EIF3A: variants seen among roughly 807,000 people sequenced by gnomAD.
EIF3A encodes EIF3, p180 subunit.
In EIF3A, 21 loss-of-function variants were observed where a neutral mutation model predicts 186.6. The observed-to-expected ratio is 0.11, with a 90% CI of 0.08 to 0.16. The LOEUF (loss-of-function observed/expected upper bound fraction) is 0.16. Ranked by LOEUF, EIF3A falls within the 10% of genes least tolerant of loss-of-function variation. The pLI is 1.00. For synonymous variants in EIF3A, 563 were observed against 584.3 expected, an observed-to-expected ratio of 0.96 and a Z score of 0.52; for missense variants, 1,306 against 1,796.3, an observed-to-expected ratio of 0.73 and a Z score of 4.93.
intron 17 of EIF3A, among the ~76,000 whole-genome samples, chr10:119,044,961 T>C (rs1409383611): frequency 1.0e-5 from 1 of 96,892 alleles, no homozygotes; most frequent in Non-Finnish European, 2.1e-5. Flanking sequence ...TTTTTTTTTT[T>C]TGAGGTGGAA....
At chr10:119,060,670 T>G in intron 9 of EIF3A, 76 bp downstream of exon 9, 1 of 1,102,084 alleles carries the variant, frequency 9.1e-7, no homozygotes, top group Non-Finnish European at 1.3e-6. Context: ...TCCTAGGCAG[T>G]TCTAGATTTT....
chr10:119,057,918 GA>G lies in EIF3A; in HGVS notation c.1977+37del, dbSNP rs1342925482. On this transcript the variant is annotated intron_variant, in intron 12 of 21. Transcript: ENST00000369144. ...TGGTTCTAAGAGTACAAAATACCTG[GA>G]TAAAACTAATTTTTTAATAACTAAG... The G allele has an allele frequency of 5.8e-6, 9 of 1,544,298 alleles. No homozygotes were observed. The Admixed American group carries it at 7.3e-5, about 13-fold the overall frequency.
At chr10:119,072,043 A>AG (rs1390552496) in intron 4 of EIF3A, among the ~76,000 whole-genome samples, 172 of 131,608 alleles carry the variant, frequency 1.3e-3, no homozygotes, top group East Asian at 7.2e-3. Flanking sequence ...AAAAAAAAAA[A>AG]AAAGAAAGAA....
chr10:119,061,164 C>A, intron 8 of EIF3A, 60 bp downstream of exon 8: 1 of 931,662 alleles, frequency 1.1e-6, no homozygotes, highest in East Asian at 2.5e-5. Context: ...TGAATACAAC[C>A]CAAAACTGCA....
chr10:119,041,005 C>CAAA (rs34452005), intron 19 of EIF3A, among the ~76,000 whole-genome samples: 93 of 78,688 alleles, frequency 1.2e-3, no homozygotes, highest in African/African-American at 1.8e-3. Flanking sequence ...ACTCCGTCTC[C>CAAA]AAAAAAAAAA....
chr10:119,050,454 C>A, intron 16 of EIF3A, 67 bp downstream of exon 16: 1 of 1,467,886 alleles, frequency 6.8e-7, no homozygotes, highest in South Asian at 1.2e-5. Context: ...TACATAAGAT[C>A]ACTAAAAACT....
At chr10:119,046,230 C>T (rs556191968) in intron 17 of EIF3A, among the ~76,000 whole-genome samples, 9 of 152,210 alleles carry the variant, frequency 5.9e-5, no homozygotes, top group Admixed American at 1.3e-4. Flanking sequence ...CAGAGTAAGA[C>T]CAAAATCCTC....
chr10:119,035,303 C>G lies in EIF3A; in HGVS notation c.*736G>C, dbSNP rs1436527703. On this transcript the variant is annotated 3_prime_UTR_variant, in exon 22 of 22. Transcript: ENST00000369144. ...TTAAAATGCTTGAAAGGCATGAATTCTCCATTAATGGAAAAGCAGTTTGCT... is the reference window on the plus strand; with the variant it reads ...TTAAAATGCTTGAAAGGCATGAATTGTCCATTAATGGAAAAGCAGTTTGCT... 6.6e-6 allele frequency: 1 copy of G among 152,636 alleles called. No individual in the cohort carries two copies. The highest frequency in any genetic ancestry group is 1.5e-5 in the Non-Finnish European group (1 of 68,042). The allele number at this position is 152,636 out of a possible 1,614,324, so 9.5% of individuals were successfully genotyped here. A position where few individuals can be genotyped will look rare whatever the true frequency, so the allele number is the denominator to read the frequency against.
chr10:119,070,239 G>A (rs1844050152), intron 5 of EIF3A, among the ~76,000 whole-genome samples: 1 of 152,120 alleles, frequency 6.6e-6, no homozygotes, highest in Non-Finnish European at 1.5e-5. Flanking sequence ...AAAATTATAT[G>A]GAACGTCTTT....
Position 119,049,850 on chromosome 10 carries a change from C to T in EIF3A, c.2609G>A (p.Arg870Gln), listed in dbSNP as rs749303672. The change falls in exon 17 of 22, where the codon CGG (arginine) becomes CAG (glutamine). Residue 870 changes from arginine to glutamine, a missense_variant. Physicochemically the swap from Arg to Gln is conservative, Grantham distance 43. This residue lies in a region of EIF3A where 410 missense variants were observed against 473.5 expected (regional missense o/e 0.87). Transcript: ENST00000369144. Reference sequence around the variant, plus strand: ...AAGTCTTCTCTCTTCCTCTCTACGCCGTTCTCGTTCTTCAATTTCCAACTC... The same window carrying T: ...AAGTCTTCTCTCTTCCTCTCTACGCTGTTCTCGTTCTTCAATTTCCAACTC... ...QRELEIEERE[R>Q]RREEERRLGD... The T allele has an allele frequency of 1.8e-5, 29 of 1,614,038 alleles. No individual in the cohort carries two copies. The highest frequency in any genetic ancestry group is 9.3e-5 in the African/African-American group (7 of 74,908).
At chr10:119,062,010 T>C (rs1478857851) in intron 7 of EIF3A, among the ~76,000 whole-genome samples, 1 of 152,104 alleles carries the variant, frequency 6.6e-6, no homozygotes, top group East Asian at 1.9e-4. Context: ...GCAGATCGCA[T>C]CCCCAAGCAA....
At chr10:119,048,330 G>A (rs1225687681) in intron 17 of EIF3A, among the ~76,000 whole-genome samples, 1 of 152,108 alleles carries the variant, frequency 6.6e-6, no homozygotes, top group Non-Finnish European at 1.5e-5. Context: ...TCTGAATTAA[G>A]GCAGTAATGT....
chr10:119,080,031 G>T (rs958005017), intron 1 of EIF3A, among the ~76,000 whole-genome samples: 1 of 152,222 alleles, frequency 6.6e-6, no homozygotes, highest in Non-Finnish European at 1.5e-5. Context: ...GGTTAAATGG[G>T]TCAGAGGCCC....
chr10:119,072,833 A>G, intron 4 of EIF3A, 57 bp downstream of exon 4: 1 of 1,550,574 alleles, frequency 6.4e-7, no homozygotes, highest in Non-Finnish European at 8.7e-7. Flanking sequence ...TTTTCAGAAA[A>G]TTTACTCCTC....
At chr10:119,056,091 T>C (rs577665840) in intron 14 of EIF3A, among the ~76,000 whole-genome samples, 18 of 152,208 alleles carry the variant, frequency 1.2e-4, no homozygotes, top group Non-Finnish European at 2.1e-4. Flanking sequence ...ACACCGATGT[T>C]TGCCTCCTGC....
rs1023161184 is a variant in EIF3A, at chr10:119,065,519, C to T, written c.1002G>A (p.Glu334=). 3 of 1,613,326 alleles carry T rather than the reference C, an allele frequency of 1.9e-6. No homozygotes were observed. In the Admixed American group the frequency reaches 5.0e-5, roughly 27 times the overall value. The part of the protein sequence containing the change: ...LATLSIPITP[E]RTDIARLLDM... ...CCAGAAGTCGAGCAATATCCGTACG[C>T]TCAGGAGTAATAGGGATGGAAAGAG... Residue 334 remains glutamate, a synonymous_variant, in exon 7 of 22, where the codon GAG becomes GAA. Transcript: ENST00000369144.
At chr10:119,055,663 G>A (rs980622770) in intron 14 of EIF3A, among the ~76,000 whole-genome samples, 1 of 152,128 alleles carries the variant, frequency 6.6e-6, no homozygotes, top group Non-Finnish European at 1.5e-5. Context: ...TTTGAGCCCA[G>A]GACTTTGAGA....
At chr10:119,074,688 C>T (rs1332342318) in intron 1 of EIF3A, among the ~76,000 whole-genome samples, 3 of 150,930 alleles carry the variant, frequency 2.0e-5, no homozygotes, top group African/African-American at 7.3e-5. Context: ...AATCCCAACA[C>T]TTTGGGAGGA....
intron 17 of EIF3A, 117 bp from the exon 18 acceptor site, chr10:119,044,259 C>T (rs1267258228): frequency 4.2e-6 from 3 of 706,440 alleles, no homozygotes; most frequent in Admixed American, 2.5e-5. Context: ...CTTAAATAAG[C>T]AAGTTTTAAA....
Sources: allele counts gnomAD v4.1 joint callset (sites outside exome capture counted in the v4.1 genomes callset), GRCh38; gene constraint gnomAD v4.1.1; regional missense constraint gnomAD v4.1.1; transcripts MANE v1.5; gene names NCBI Gene and HGNC (gene_info 2026-07-23, HGNC 2026-07-21).